PAX5: variants seen among roughly 807,000 people sequenced by gnomAD.
PAX5 encodes paired box 5.
A neutral mutation model predicts 43.7 loss-of-function variants in PAX5; 9 were observed. The ratio of observed to expected loss-of-function variants is 0.21; its 90% CI spans 0.12 to 0.36. The LOEUF (loss-of-function observed/expected upper bound fraction) is 0.36, where lower values mean the gene tolerates loss of function less well. PAX5 is among the 10% of genes least tolerant of loss of function. The pLI, the probability that PAX5 is intolerant of heterozygous loss-of-function variation, is 1.00. For missense variants in PAX5, 383 were observed against 532.7 expected, an observed-to-expected ratio of 0.72 and a Z score of 2.77; for synonymous variants, 228 against 214.3, an observed-to-expected ratio of 1.06 and a Z score of -0.56.
chr9:37,011,511 C>A (rs1838930607), intron 3 of PAX5, among the ~76,000 whole-genome samples: 3 of 152,126 alleles, frequency 2.0e-5, no homozygotes. Flanking sequence ...CCCATTCAAC[C>A]CACCGTTTGG....
At chr9:36,936,663 A>C (rs1431026103) in intron 6 of PAX5, among the ~76,000 whole-genome samples, 1 of 152,198 alleles carries the variant, frequency 6.6e-6, no homozygotes, top group East Asian at 1.9e-4. Flanking sequence ...GCTACAAGGA[A>C]GACAGAAAGG....
chr9:36,982,665 A>T (rs75570790), intron 5 of PAX5, among the ~76,000 whole-genome samples: 3,271 of 152,294 alleles, frequency 0.021, 44 homozygotes, highest in East Asian at 0.068. Context: ...CCAGACAAGG[A>T]TAAGATGTGG....
At chr9:36,982,248 A>C (rs1836000118) in intron 5 of PAX5, among the ~76,000 whole-genome samples, 1 of 152,234 alleles carries the variant, frequency 6.6e-6, no homozygotes, top group Non-Finnish European at 1.5e-5. Flanking sequence ...TGGGCCACAG[A>C]GCAAGATTTC....
In PAX5 at chr9:36,833,536, A is replaced by C. The variant is rs981702048; in HGVS notation, c.*7024T>G. On this transcript the variant is annotated 3_prime_UTR_variant, in exon 10 of 10. Transcript: ENST00000358127. Reference sequence around the variant, plus strand: ...TGACAAGGAAAAAAAAGTAAAAAAAAAATTAAACCAAAACCCCACCCCTGT... The same window carrying C: ...TGACAAGGAAAAAAAAGTAAAAAAACAATTAAACCAAAACCCCACCCCTGT... The C allele has an allele frequency of 1.7e-5, 4 of 233,090 alleles. No individual in the cohort carries two copies. The East Asian group carries it at 2.4e-4, about 14-fold the overall frequency. The allele number at this position is 233,090 out of a possible 1,614,324, so 14.4% of individuals were successfully genotyped here.
At chr9:37,011,596 C>T (rs1838936945) in intron 3 of PAX5, among the ~76,000 whole-genome samples, 2 of 152,190 alleles carry the variant, frequency 1.3e-5, no homozygotes, top group Admixed American at 1.3e-4. Flanking sequence ...TGCAGCCTCC[C>T]AGCACGTTTG....
At position 36,838,607 on chromosome 9, in the gene PAX5, CT is replaced by C; in HGVS notation, c.*1952del. The C allele has an allele frequency of 4.3e-6, 1 of 233,252 alleles. No homozygotes were observed. The highest frequency in any genetic ancestry group is 6.0e-5 in the East Asian group (1 of 16,568). The allele number at this position is 233,252 out of a possible 1,614,324, so 14.4% of individuals were successfully genotyped here. On this transcript the variant is annotated 3_prime_UTR_variant, in exon 10 of 10. Transcript: ENST00000358127. ...TCCCACAAGGGAAGTTGGGCTAGGT[CT>C]TTTTCCAGGCTCTTCTGATTCCCGC... is the stretch of plus-strand genomic sequence containing the variant.
intron 8 of PAX5, among the ~76,000 whole-genome samples, chr9:36,862,022 T>A (rs1169476771): frequency 6.6e-6 from 1 of 152,152 alleles, no homozygotes; most frequent in Admixed American, 6.5e-5. Flanking sequence ...CATGTGGCTA[T>A]GCAAGCAGAG....
intron 4 of PAX5, among the ~76,000 whole-genome samples, chr9:37,003,245 C>G (rs550067351): frequency 4.7e-5 from 7 of 150,374 alleles, no homozygotes; most frequent in Non-Finnish European, 8.9e-5. Context: ...TGGGTGCAAA[C>G]ACAACTACCT....
chr9:36,946,034 C>T (rs928327811), intron 6 of PAX5, among the ~76,000 whole-genome samples: 9 of 152,118 alleles, frequency 5.9e-5, no homozygotes, highest in South Asian at 2.1e-4. Flanking sequence ...AGGAACAGCA[C>T]GCAGGAAACT....
chr9:36,856,354 A>G (rs772314051), intron 8 of PAX5, among the ~76,000 whole-genome samples: 1 of 152,238 alleles, frequency 6.6e-6, no homozygotes, highest in Non-Finnish European at 1.5e-5. Flanking sequence ...TGTTTACTGC[A>G]GAAACCACCG....
chr9:36,841,990 C>T (rs1362140457), intron 9 of PAX5, among the ~76,000 whole-genome samples: 1 of 152,112 alleles, frequency 6.6e-6, no homozygotes, highest in Non-Finnish European at 1.5e-5. Context: ...GGATGCACCA[C>T]CTCTCCTCCT....
At chr9:36,875,255 G>A (rs950746130) in intron 8 of PAX5, among the ~76,000 whole-genome samples, 5 of 152,314 alleles carry the variant, frequency 3.3e-5, no homozygotes, top group East Asian at 1.9e-4. Flanking sequence ...TTGGCAGCTC[G>A]GCCTAAAGTT....
rs765673779 is a variant in PAX5, at chr9:37,002,634, C to T, written c.604+14G>A. 6.2e-7 allele frequency: 1 copy of T among 1,606,622 alleles called. No homozygotes were observed. The highest frequency in any genetic ancestry group is 1.7e-5 in the Admixed American group (1 of 59,632). On this transcript the variant is annotated intron_variant, in intron 5 of 9. Coordinates refer to ENST00000358127, the MANE Select transcript of PAX5 (RefSeq NM_016734.3). ...GGAGCGCATCCCCGACGGGGCTGCG[C>T]GGGCCTCTCTTACCTTCGTCTCTCT...
Position 36,836,082 on chromosome 9 carries a change from T to C in PAX5, c.*4478A>G, listed in dbSNP as rs1319560625. 2 of 233,386 alleles carry C rather than the reference T, an allele frequency of 8.6e-6. No individual in the cohort carries two copies. The highest frequency in any genetic ancestry group is 1.7e-5 in the Non-Finnish European group (2 of 118,266). 14.5% of individuals were successfully genotyped at this position (233,386 alleles called of 1,614,324 possible). On this transcript the variant is annotated 3_prime_UTR_variant, in exon 10 of 10. Coordinates refer to ENST00000358127, the MANE Select transcript of PAX5 (RefSeq NM_016734.3). ...GCCACTGGCTGCCAAGGCTGGGCAGTCGTTCTGGAGCGTGACTTCTGGTAA... is the reference window on the plus strand; with the variant it reads ...GCCACTGGCTGCCAAGGCTGGGCAGCCGTTCTGGAGCGTGACTTCTGGTAA...
intron 7 of PAX5, among the ~76,000 whole-genome samples, chr9:36,897,780 A>C (rs36076629): frequency 2.0e-3 from 302 of 152,334 alleles, no homozygotes; most frequent in Non-Finnish European, 2.2e-3. Flanking sequence ...CCAGTAGTCC[A>C]GGGCGCTCAT....
Position 37,034,172 on chromosome 9 carries a change from T to G in PAX5, c.-141A>C, listed in dbSNP as rs900152844. 1.8e-6 allele frequency: 1 copy of G among 552,252 alleles called. No individual in the cohort carries two copies. Among genetic ancestry groups the G allele is most frequent in the African/African-American group, 2.2e-5 (1 of 44,574 alleles). 34.2% of individuals were successfully genotyped at this position (552,252 alleles called of 1,614,324 possible). A position where few individuals can be genotyped will look rare whatever the true frequency, so the allele number is the denominator to read the frequency against. On this transcript the variant is annotated 5_prime_UTR_variant, in exon 1 of 10. Transcript: ENST00000358127. The stretch of plus-strand genomic sequence containing the variant: ...GGTCGGAATAATTCAAGCCTTCCGC[T>G]CCCCCGCCGAGCTGGGGTAGCTGAT...
At chr9:36,981,099 A>C (rs1205965950) in intron 5 of PAX5, among the ~76,000 whole-genome samples, 4 of 151,164 alleles carry the variant, frequency 2.6e-5, no homozygotes, top group Admixed American at 6.6e-5. Flanking sequence ...CCTCCCCCAG[A>C]TATCTGCCTG....
At chr9:36,963,993 C>T (rs1372308686) in intron 6 of PAX5, among the ~76,000 whole-genome samples, 2 of 152,188 alleles carry the variant, frequency 1.3e-5, no homozygotes, top group Admixed American at 6.5e-5. Flanking sequence ...AGAAGATAAA[C>T]TTTCTGGCCG....
At chr9:36,856,752 T>G (rs1026421404) in intron 8 of PAX5, among the ~76,000 whole-genome samples, 1 of 152,146 alleles carries the variant, frequency 6.6e-6, no homozygotes, top group Non-Finnish European at 1.5e-5. Context: ...TTAGCCAGGA[T>G]GGTCTTGATC....
Sources: gnomAD v4.1 joint callset for allele counts (sites outside exome capture counted in the v4.1 genomes callset) on GRCh38, gnomAD v4.1.1 for gene constraint, MANE v1.5 for transcripts, NCBI Gene and HGNC (gene_info 2026-07-23, HGNC 2026-07-21) for gene names.